MCF2L2: variants seen among roughly 807,000 people sequenced by gnomAD.
The protein encoded by MCF2L2 is MCF.2 cell line derived transforming sequence-like 2, also known as probable guanine nucleotide exchange factor MCF2L2.
In MCF2L2, 102 loss-of-function variants were observed where a neutral mutation model predicts 150.2. The ratio of observed to expected loss-of-function variants is 0.68; its 90% CI spans 0.58 to 0.80. The LOEUF is 0.80. MCF2L2 is among the 30% of genes least tolerant of loss of function. The probability of loss-of-function intolerance (pLI) is 0.00; values close to 1 mark genes in which losing one functional copy is unlikely to be tolerated. For missense variants in MCF2L2, 1,256 were observed against 1,372.8 expected, an observed-to-expected ratio of 0.91 and a Z score of 1.34; for synonymous variants, 465 against 491.3, an observed-to-expected ratio of 0.95 and a Z score of 0.71.
At chr3:183,299,754 C>T in intron 11 of MCF2L2, 1 of 444,868 alleles carries the variant, frequency 2.2e-6, no homozygotes, top group South Asian at 2.6e-5. Flanking sequence ...AAGTCCGGCT[C>T]CACACAGATA....
Position 183,363,318 on chromosome 3 carries a change from AT to A in MCF2L2, c.275+15978del, listed in dbSNP as rs1488086397. ...AGATCCATTAATTTTGCTCTTTAGT[AT>A]TTACCCAAATGAGCCAGAGATGTAT... On this transcript the variant is annotated intron_variant, in intron 3 of 29. Coordinates refer to ENST00000328913, the MANE Select transcript of MCF2L2 (RefSeq NM_015078.4). Among the ~76,000 whole-genome samples, 3 of 152,154 alleles carry A rather than the reference AT, an allele frequency of 2.0e-5. No individual in the cohort carries two copies. The South Asian group carries it at 6.2e-4, about 32-fold the overall frequency.
chr3:183,350,933 T>C (rs932645985), intron 3 of MCF2L2, among the ~76,000 whole-genome samples: 3 of 151,544 alleles, frequency 2.0e-5, no homozygotes. Context: ...ATTAGAAGTC[T>C]TCAGACTCCA....
At chr3:183,359,041 T>C (rs765078098) in intron 3 of MCF2L2, among the ~76,000 whole-genome samples, 11 of 151,276 alleles carry the variant, frequency 7.3e-5, no homozygotes, top group Non-Finnish European at 1.0e-4. Context: ...ATTCTAAATC[T>C]TTACTGAAGC....
intron 27 of MCF2L2, among the ~76,000 whole-genome samples, chr3:183,192,340 T>C (rs1721926947): frequency 6.6e-6 from 1 of 152,176 alleles, no homozygotes; most frequent in Admixed American, 6.5e-5. Flanking sequence ...GGTTTCACCA[T>C]CTTGGCCAGG....
Position 183,305,326 on chromosome 3 carries a change from T to TG in MCF2L2, c.1113+4389_1113+4390insC, listed in dbSNP as rs1374745792. ...TTGGCATGAAAGTCTCTGTTGACAC[T>TG]TTTTTTTTTTTTAAGTCCAGCTGCC... On this transcript the variant is annotated intron_variant, in intron 10 of 29. Coordinates refer to ENST00000328913, the MANE Select transcript of MCF2L2 (RefSeq NM_015078.4). This position sits in a 1 kb window ranked among gnomAD's most constrained non-coding sequence, Gnocchi z 4.1. Among the ~76,000 whole-genome samples, 1 of 138,948 alleles carries TG rather than the reference T, an allele frequency of 7.2e-6. No homozygotes were observed. The highest frequency in any genetic ancestry group is 2.0e-4 in the East Asian group (1 of 4,984). The allele number at this position is 138,948 out of a possible 152,430, so 91.2% of individuals were successfully genotyped here.
intron 5 of MCF2L2, among the ~76,000 whole-genome samples, chr3:183,326,973 G>T (rs1730070078): frequency 1.3e-5 from 2 of 152,180 alleles, no homozygotes; most frequent in South Asian, 4.1e-4. Flanking sequence ...GTAAAAATAG[G>T]AATCTTGACC....
chr3:183,251,508 G>A (rs1475988354), intron 15 of MCF2L2, among the ~76,000 whole-genome samples: 1 of 152,156 alleles, frequency 6.6e-6, no homozygotes, highest in Non-Finnish European at 1.5e-5. Flanking sequence ...CTAACATGCA[G>A]ATTTTGGTCA....
intron 7 of MCF2L2, among the ~76,000 whole-genome samples, chr3:183,315,284 A>G (rs1367001507): frequency 1.3e-5 from 2 of 152,140 alleles, no homozygotes; most frequent in African/African-American, 2.4e-5. Context: ...TTGGTAAAAT[A>G]AAGATAATAT....
chr3:183,308,696 G>T (rs2108506939), intron 10 of MCF2L2, among the ~76,000 whole-genome samples: 1 of 152,290 alleles, frequency 6.6e-6, no homozygotes, highest in East Asian at 1.9e-4. Flanking sequence ...TCCTTTAGGG[G>T]TGTGTGTCTC....
intron 5 of MCF2L2, among the ~76,000 whole-genome samples, chr3:183,325,899 G>A (rs1730005729): frequency 6.6e-6 from 1 of 152,186 alleles, no homozygotes. Flanking sequence ...GTTAAGTATT[G>A]ATCTGTAGAG....
intron 3 of MCF2L2, among the ~76,000 whole-genome samples, chr3:183,367,826 A>G (rs1712630447): frequency 1.3e-5 from 2 of 152,230 alleles, no homozygotes; most frequent in Admixed American, 1.3e-4. Flanking sequence ...GGTGAGAGAA[A>G]GCATCATAAT....
intron 15 of MCF2L2, among the ~76,000 whole-genome samples, chr3:183,255,792 C>T (rs552640681): frequency 4.1e-5 from 6 of 147,334 alleles, no homozygotes; most frequent in Non-Finnish European, 8.9e-5. Context: ...AAAAGACATT[C>T]AAATGGTGAG....
At chr3:183,210,226 T>C (rs773335713) in intron 22 of MCF2L2, among the ~76,000 whole-genome samples, 8 of 152,124 alleles carry the variant, frequency 5.3e-5, no homozygotes, top group Non-Finnish European at 1.2e-4. Context: ...CTGGGCAACA[T>C]AGGGAGATCA....
At chr3:183,231,055 G>C (rs751198353) in intron 15 of MCF2L2, 38 bp from the exon 16 acceptor site, 3 of 1,418,648 alleles carry the variant, frequency 2.1e-6, no homozygotes, top group Non-Finnish European at 3.0e-6. Context: ...GAAAGAGAGA[G>C]AGACAGGGAG....
At chr3:183,286,852 G>A (rs562402092) in intron 14 of MCF2L2, among the ~76,000 whole-genome samples, 1 of 152,290 alleles carries the variant, frequency 6.6e-6, no homozygotes, top group South Asian at 2.1e-4. Context: ...TGTGGGAGAA[G>A]CTTTTCATTA....
chr3:183,363,954 A>G (rs1225068527), intron 3 of MCF2L2, among the ~76,000 whole-genome samples: 1 of 152,236 alleles, frequency 6.6e-6, no homozygotes, highest in Non-Finnish European at 1.5e-5. Flanking sequence ...GTAAGGCCAC[A>G]AAGAAAATGC....
At chr3:183,321,437 CAAA>C (rs754945400) in intron 6 of MCF2L2, among the ~76,000 whole-genome samples, 5 of 87,222 alleles carry the variant, frequency 5.7e-5, no homozygotes, top group Admixed American at 1.3e-4. Context: ...GACTCTGTCT[CAAA>C]AAAAAAAAAA....
At position 183,427,906 on chromosome 3, in the gene MCF2L2, A is replaced by T. The variant is rs758337289; in HGVS notation, c.72T>A (p.His24Gln). 3.1e-6 allele frequency: 5 copies of T among 1,613,706 alleles called. No individual in the cohort carries two copies. The East Asian group carries it at 1.1e-4, about 36-fold the overall frequency. ...LTRRLATVITHVDEIMQQEVR... is the reference protein window; with the variant it reads ...LTRRLATVITQVDEIMQQEVR... ...AAAAATTAAAGCTTCGTTTACCGAC[A>T]TGAGTGATCACTGTGGCCAGTCGCC... Residue 24 changes from histidine to glutamine, a missense_variant, in exon 1 of 30, where the codon CAT becomes CAA. Transcript: ENST00000328913.
chr3:183,217,831 A>C (rs1330199237), intron 21 of MCF2L2, among the ~76,000 whole-genome samples: 1 of 152,196 alleles, frequency 6.6e-6, no homozygotes, highest in Non-Finnish European at 1.5e-5. Context: ...GCGGAAAAGC[A>C]GTAACTAATT....
Sources: allele counts gnomAD v4.1 joint callset (sites outside exome capture counted in the v4.1 genomes callset), GRCh38; gene constraint gnomAD v4.1.1; non-coding constraint Gnocchi (gnomAD v3.1); transcripts MANE v1.5; gene names NCBI Gene and HGNC (gene_info 2026-07-23, HGNC 2026-07-21).